The following HERC3 variants were observed in gnomAD, a reference collection of about 807,000 sequenced individuals.
The protein encoded by HERC3 is probable E3 ubiquitin-protein ligase HERC3.
In HERC3, 58 loss-of-function variants were observed where a neutral mutation model predicts 129.9. The observed-to-expected ratio is 0.45, with a 90% CI of 0.36 to 0.56. HERC3 has a LOEUF of 0.56. Ranked by LOEUF, HERC3 falls within the 20% of genes least tolerant of loss-of-function variation. HERC3 has a pLI of 0.00. For missense variants in HERC3, 835 were observed against 1,244.2 expected, an observed-to-expected ratio of 0.67 and a Z score of 4.95; for synonymous variants, 430 against 451.0, an observed-to-expected ratio of 0.95 and a Z score of 0.59.
intron 12 of HERC3, 144 bp from the exon 13 acceptor site, chr4:88,667,233 A>C (rs150166643): frequency 2.2e-6 from 1 of 447,924 alleles, no homozygotes; most frequent in Admixed American, 4.1e-5. Context: ...AGATTTATGC[A>C]AAGTGTAGTA....
chr4:88,570,842 C>T, the HERC3 span, among the ~76,000 whole-genome samples: 3 of 151,970 alleles, frequency 2.0e-5, no homozygotes, highest in Admixed American at 2.0e-4. Context: ...CAAGCTCCGC[C>T]TCCCGGGTTC....
intron 21 of HERC3, among the ~76,000 whole-genome samples, chr4:88,683,390 A>T (rs981123016): frequency 2.6e-5 from 4 of 152,182 alleles, no homozygotes; most frequent in Non-Finnish European, 5.9e-5. Context: ...GAGGACACAC[A>T]GAGTGGAAGA....
chr4:88,562,924 T>C, the HERC3 span, among the ~76,000 whole-genome samples: 1 of 152,212 alleles, frequency 6.6e-6, no homozygotes, highest in East Asian at 1.9e-4. Flanking sequence ...TAATTTGAAG[T>C]CAGGTAATAT....
At chr4:88,627,577 C>G (rs1489632829) in intron 3 of HERC3, among the ~76,000 whole-genome samples, 2 of 152,004 alleles carry the variant, frequency 1.3e-5, no homozygotes, top group Admixed American at 1.3e-4. Context: ...TACTGAGAGA[C>G]AAGTGTACAT....
upstream of HERC3, among the ~76,000 whole-genome samples, chr4:88,588,652 C>T (rs375941882): frequency 5.3e-5 from 8 of 152,206 alleles, no homozygotes; most frequent in African/African-American, 1.4e-4. Context: ...AGAAATCTAT[C>T]TCTTTCAAAG....
intron 3 of HERC3, 36 bp from the exon 4 acceptor site, chr4:88,649,804 G>A (rs1201308380): frequency 5.0e-6 from 8 of 1,597,816 alleles, no homozygotes; most frequent in Non-Finnish European, 6.9e-6. Context: ...CTGTTTCTGG[G>A]TTGTACATTT....
intron 23 of HERC3, among the ~76,000 whole-genome samples, chr4:88,703,347 C>G (rs1735493880): frequency 6.6e-6 from 1 of 152,124 alleles, no homozygotes; most frequent in African/African-American, 2.4e-5. Flanking sequence ...TATAGCAGCT[C>G]TGAAAAAATA....
At chr4:88,528,059 A>G in the HERC3 span, 1 of 297,460 alleles carries the variant, frequency 3.4e-6, no homozygotes, top group Non-Finnish European at 6.7e-6. Context: ...AATTTCCTGT[A>G]TATCAGAATC....
the HERC3 span, among the ~76,000 whole-genome samples, chr4:88,542,868 C>T: frequency 3.3e-5 from 5 of 152,236 alleles, no homozygotes; most frequent in African/African-American, 1.2e-4. Context: ...GCAGAAAAGG[C>T]CTTTGACAAA....
At chr4:88,697,106 G>T (rs1275938521) in intron 23 of HERC3, 31 of 1,126,390 alleles carry the variant, frequency 2.8e-5, no homozygotes, top group Middle Eastern at 2.1e-4. Flanking sequence ...ATTGTATTTT[G>T]GTCAAAAACC....
chr4:88,595,107 A>G (rs1261269989), intron 1 of HERC3, among the ~76,000 whole-genome samples: 1 of 150,868 alleles, frequency 6.6e-6, no homozygotes, highest in Non-Finnish European at 1.5e-5. Flanking sequence ...TCTCAAAAAA[A>G]AAAAAAAAAA....
the HERC3 span, among the ~76,000 whole-genome samples, chr4:88,573,717 T>A: frequency 6.6e-6 from 1 of 152,094 alleles, no homozygotes; most frequent in South Asian, 2.1e-4. Flanking sequence ...AGAAAGATAA[T>A]GATTTAAAAC....
intron 23 of HERC3, chr4:88,690,367 G>C (rs1733950819): frequency 1.0e-6 from 1 of 985,262 alleles, no homozygotes; most frequent in South Asian, 4.7e-5. Context: ...TGGTTTTGGG[G>C]ATTGCTTTAT....
At chr4:88,527,778 G>T in the HERC3 span, 1 of 320,080 alleles carries the variant, frequency 3.1e-6, no homozygotes, top group South Asian at 3.0e-5. Flanking sequence ...TTCTGCTGCC[G>T]GTTATCCTCC....
chr4:88,560,073 C>T, the HERC3 span, among the ~76,000 whole-genome samples: 1 of 151,758 alleles, frequency 6.6e-6, no homozygotes, highest in Non-Finnish European at 1.5e-5. Flanking sequence ...GATTCTCCTG[C>T]CTCAGCCTCC....
At chr4:88,537,571 T>C in the HERC3 span, among the ~76,000 whole-genome samples, 1 of 152,234 alleles carries the variant, frequency 6.6e-6, no homozygotes, top group Admixed American at 6.5e-5. Flanking sequence ...TTGTCACTAC[T>C]GTAAATTACT....
At chr4:88,630,854 A>G (rs1273070804) in intron 3 of HERC3, among the ~76,000 whole-genome samples, 1 of 152,116 alleles carries the variant, frequency 6.6e-6, no homozygotes, top group African/African-American at 2.4e-5. Flanking sequence ...AGATTATGCC[A>G]CGGTTGGCAA....
Position 88,612,157 on chromosome 4 carries a change from T to A in HERC3, c.226+6108T>A, listed in dbSNP as rs2149205599. Among the ~76,000 whole-genome samples the A allele has an allele frequency of 3.3e-5, 5 of 152,334 alleles. 1 individual carries two copies. In the South Asian group the frequency reaches 1.0e-3, roughly 32 times the overall value. On this transcript the variant is annotated intron_variant, in intron 3 of 25. Transcript: ENST00000402738. The stretch of plus-strand genomic sequence containing the variant: ...CACCTCTCAGTGATTCTAAGGGTTT[T>A]GGAGATCCTTTTTTTCCTTCTTAAG...
chr4:88,620,126 C>T (rs1725352663), intron 3 of HERC3, among the ~76,000 whole-genome samples: 1 of 152,152 alleles, frequency 6.6e-6, no homozygotes, highest in Non-Finnish European at 1.5e-5. Context: ...ATGCTTATTG[C>T]AGCAATGCTG....
Sources: gnomAD v4.1 joint callset for allele counts (sites outside exome capture counted in the v4.1 genomes callset) on GRCh38, gnomAD v4.1.1 for gene constraint, MANE v1.5 for transcripts, NCBI Gene and HGNC (gene_info 2026-07-23, HGNC 2026-07-21) for gene names.